The following KCNH7 variants were observed in gnomAD, a reference collection of about 807,000 sequenced individuals.
KCNH7 encodes the protein voltage-gated inwardly rectifying potassium channel KCNH7.
In KCNH7, 49 loss-of-function variants were observed where a neutral mutation model predicts 120.8. The observed-to-expected ratio is 0.41, with a 90% CI of 0.32 to 0.51. The LOEUF (loss-of-function observed/expected upper bound fraction) is 0.51. Ranked by LOEUF, KCNH7 falls within the 20% of genes least tolerant of loss-of-function variation. The pLI, the probability that KCNH7 is intolerant of heterozygous loss-of-function variation, is 0.38. For missense variants in KCNH7, 1,097 were observed against 1,446.6 expected (o/e 0.76, Z 3.92); for synonymous variants, 547 against 516.1 (o/e 1.06, Z -0.81).
At chr2:162,482,123 C>G (rs1689949758) in intron 6 of KCNH7, among the ~76,000 whole-genome samples, 1 of 152,086 alleles carries the variant, frequency 6.6e-6, no homozygotes, top group Non-Finnish European at 1.5e-5. Flanking sequence ...AGACTAAGTG[C>G]TCTTTGAGTT....
At chr2:162,391,841 A>C (rs1686754648) in intron 12 of KCNH7, among the ~76,000 whole-genome samples, 1 of 152,088 alleles carries the variant, frequency 6.6e-6, no homozygotes, top group African/African-American at 2.4e-5. Context: ...CAAACATAAG[A>C]GATGAACTTC....
chr2:162,560,014 G>T (rs921157182), intron 2 of KCNH7, among the ~76,000 whole-genome samples: 1 of 152,174 alleles, frequency 6.6e-6, no homozygotes, highest in African/African-American at 2.4e-5. Context: ...ATATTTATTT[G>T]CTGACATATA....
intron 2 of KCNH7, among the ~76,000 whole-genome samples, chr2:162,669,691 T>A (rs1272647969): frequency 6.6e-6 from 1 of 152,158 alleles, no homozygotes; most frequent in Non-Finnish European, 1.5e-5. Flanking sequence ...TAGCATCTAG[T>A]GAGTAGAGGT....
intron 2 of KCNH7, among the ~76,000 whole-genome samples, chr2:162,654,769 T>C (rs1185204738): frequency 1.3e-5 from 2 of 152,292 alleles, no homozygotes; most frequent in East Asian, 3.9e-4. Flanking sequence ...GAGAATGTGG[T>C]ATATATACAC....
intron 2 of KCNH7, among the ~76,000 whole-genome samples, chr2:162,685,608 G>A (rs10202400): frequency 0.14 from 20,682 of 151,800 alleles, 1,615 homozygotes; most frequent in East Asian, 0.34. Context: ...TGGGAGATTT[G>A]GTAGAGTTCT....
intron 2 of KCNH7, among the ~76,000 whole-genome samples, chr2:162,723,406 T>A (rs530439863): frequency 6.6e-6 from 1 of 152,024 alleles, no homozygotes; most frequent in Non-Finnish European, 1.5e-5. Flanking sequence ...GATGAATGAA[T>A]AAAGAAAATG....
chr2:162,607,989 T>C (rs977968006), intron 2 of KCNH7, among the ~76,000 whole-genome samples: 1 of 152,230 alleles, frequency 6.6e-6, no homozygotes, highest in African/African-American at 2.4e-5. Flanking sequence ...ATCTGACTTA[T>C]TCTTTTAGAT....
At chr2:162,712,266 C>T (rs867832366) in intron 2 of KCNH7, among the ~76,000 whole-genome samples, 12 of 151,354 alleles carry the variant, frequency 7.9e-5, no homozygotes, top group African/African-American at 2.9e-4. Context: ...CTGTGATGCA[C>T]GTTTTTTTTT....
intron 6 of KCNH7, among the ~76,000 whole-genome samples, chr2:162,482,831 A>C (rs556187740): frequency 1.0e-3 from 157 of 152,296 alleles, no homozygotes; most frequent in Non-Finnish European, 1.8e-3. Context: ...ATACCAAAAA[A>C]AAGTTTCATA....
chr2:162,829,817 A>G (rs1244284179), intron 2 of KCNH7, among the ~76,000 whole-genome samples: 2 of 150,474 alleles, frequency 1.3e-5, no homozygotes, highest in East Asian at 3.9e-4. Flanking sequence ...TTCCTATAAC[A>G]CACTTTCCCC....
chr2:162,662,892 G>A (rs79689855), intron 2 of KCNH7, among the ~76,000 whole-genome samples: 19,844 of 152,212 alleles, frequency 0.13, 1,411 homozygotes, highest in East Asian at 0.3. Flanking sequence ...GAATAAATAT[G>A]AAATAGCATA....
intron 6 of KCNH7, among the ~76,000 whole-genome samples, chr2:162,483,923 A>T (rs748130614): frequency 1.7e-4 from 26 of 152,116 alleles, no homozygotes; most frequent in Admixed American, 7.9e-4. Flanking sequence ...CATCCACCTT[A>T]GGTGAAAAAC....
intron 2 of KCNH7, among the ~76,000 whole-genome samples, chr2:162,731,424 C>T (rs1362747934): frequency 6.6e-6 from 1 of 151,502 alleles, no homozygotes; most frequent in Admixed American, 6.6e-5. Flanking sequence ...AACCTAAATG[C>T]CTATAAACAG....
At chr2:162,752,949 A>AAAAGAAAAGAAAAG in intron 2 of KCNH7, among the ~76,000 whole-genome samples, 13 of 106,746 alleles carry the variant, frequency 1.2e-4, no homozygotes, top group Non-Finnish European at 2.2e-4. Context: ...AAAAGAAAAG[A>AAAAGAAAAGAAAAG]AAAGAAAAGA....
At chr2:162,823,011 T>A (rs1275571819) in intron 2 of KCNH7, among the ~76,000 whole-genome samples, 2 of 152,190 alleles carry the variant, frequency 1.3e-5, no homozygotes, top group African/African-American at 4.8e-5. Context: ...GAGACCTGAC[T>A]CCACATATGT....
In KCNH7 at chr2:162,372,025, A is replaced by G. The variant is rs1685967571; in HGVS notation, c.3395T>C (p.Leu1132Pro). 1 of 1,613,432 alleles carries G rather than the reference A, an allele frequency of 6.2e-7. No homozygotes were observed. Among genetic ancestry groups the G allele is most frequent in the Non-Finnish European group, 8.5e-7 (1 of 1,179,604 alleles). ...CAAGTTGTCTTCTGAAGCTGTGTTC[A>G]GATGCACCCCACTTGAAAGGGATTC... ...SKESLSSGVH[L>P]NTASEDNLTS... Residue 1132 changes from leucine to proline, a missense_variant, in exon 16 of 16, where the codon CTG becomes CCG. This residue lies in a region of KCNH7 where 406 missense variants were observed against 410.5 expected (regional missense o/e 0.99). Transcript: ENST00000332142.
In KCNH7 at chr2:162,700,587, T is replaced by C. The variant is rs867226669; in HGVS notation, c.307+135950A>G. ...TTCTACATGAAAAAAAATGTAAATG[T>C]TTGCAAGGATTCTCTTCTTTTAAAA... On this transcript the variant is annotated intron_variant, in intron 2 of 15. Transcript: ENST00000332142. Among the ~76,000 whole-genome samples, 13 of 152,308 alleles carry C rather than the reference T, an allele frequency of 8.5e-5. No homozygotes were observed. The Middle Eastern group carries it at 0.01, about 120-fold the overall frequency.
chr2:162,682,169 C>A (rs1307944442), intron 2 of KCNH7, among the ~76,000 whole-genome samples: 1 of 151,570 alleles, frequency 6.6e-6, no homozygotes, highest in African/African-American at 2.4e-5. Flanking sequence ...AAGAGCCAGA[C>A]CTCCTTTCCC....
intron 2 of KCNH7, among the ~76,000 whole-genome samples, chr2:162,794,111 C>A (rs1010434844): frequency 1.1e-4 from 17 of 151,758 alleles, no homozygotes; most frequent in African/African-American, 4.1e-4. Context: ...TAAAATTTAC[C>A]TGTTTCTCAT....
Sources: allele counts gnomAD v4.1 joint callset (sites outside exome capture counted in the v4.1 genomes callset), GRCh38; gene constraint gnomAD v4.1.1; regional missense constraint gnomAD v4.1.1; transcripts MANE v1.5; gene names NCBI Gene and HGNC (gene_info 2026-07-23, HGNC 2026-07-21).